Variants in CNTNAP2 observed in about 807,000 individuals in gnomAD.
CNTNAP2 encodes the protein contactin associated protein 2.
In CNTNAP2, 98 loss-of-function variants were observed where a neutral mutation model predicts 155.2. That is an observed-to-expected ratio of 0.63 (90% CI 0.54 to 0.75). The LOEUF (loss-of-function observed/expected upper bound fraction) is 0.75. CNTNAP2 is among the 30% of genes least tolerant of loss of function. CNTNAP2 has a pLI of 0.00. For synonymous variants in CNTNAP2, 651 were observed against 631.2 expected, an observed-to-expected ratio of 1.03 and a Z score of -0.47; for missense variants, 1,727 against 1,688.1, an observed-to-expected ratio of 1.02 and a Z score of -0.40.
chr7:147,194,560 A>G (rs977057104), intron 8 of CNTNAP2, among the ~76,000 whole-genome samples: 5 of 152,102 alleles, frequency 3.3e-5, no homozygotes, highest in African/African-American at 9.7e-5. Flanking sequence ...AAGTGTTCCT[A>G]TTTCTCCACA....
intron 8 of CNTNAP2, among the ~76,000 whole-genome samples, chr7:147,255,180 C>T (rs1804293543): frequency 1.3e-5 from 2 of 152,202 alleles, no homozygotes; most frequent in South Asian, 4.2e-4. Context: ...TGGTTGTTTA[C>T]CTTTTTCAAC....
At position 147,562,211 on chromosome 7, in the gene CNTNAP2, T is replaced by C. The variant is rs150218065; in HGVS notation, c.1851T>C (p.Asp617=). The change falls in exon 12 of 24, where the codon GAT becomes GAC. Residue 617 remains aspartate, a synonymous_variant. Transcript: ENST00000361727. ...CAAATTATTACTGGATAGATCCTGA[T>C]GGCAGCGGACCTCTGGGGCCTCTGA... is the stretch of plus-strand genomic sequence containing the variant. ...QTSNYYWIDP[D]GSGPLGPLKV... 8.7e-6 allele frequency: 14 copies of C among 1,613,948 alleles called. No individual in the cohort carries two copies. In the African/African-American group the frequency reaches 1.7e-4, roughly 20 times the overall value.
intron 12 of CNTNAP2, among the ~76,000 whole-genome samples, chr7:147,597,057 A>T (rs1001530493): frequency 2.6e-5 from 4 of 152,224 alleles, no homozygotes; most frequent in Non-Finnish European, 4.4e-5. Flanking sequence ...CTTGTTTAGC[A>T]TATAATCAAG....
intron 1 of CNTNAP2, among the ~76,000 whole-genome samples, chr7:146,515,011 A>G (rs1006572321): frequency 6.6e-6 from 1 of 152,026 alleles, no homozygotes; most frequent in African/African-American, 2.4e-5. Flanking sequence ...GGGTTTCCCA[A>G]ATGGAATATC....
At chr7:147,807,139 C>G (rs996143348) in intron 13 of CNTNAP2, among the ~76,000 whole-genome samples, 1 of 151,400 alleles carries the variant, frequency 6.6e-6, no homozygotes, top group Non-Finnish European at 1.5e-5. Flanking sequence ...TAATGAGACC[C>G]CTATCTCTAC....
At chr7:146,670,433 A>C (rs2642516) in intron 1 of CNTNAP2, among the ~76,000 whole-genome samples, 122,947 of 152,026 alleles carry the variant, frequency 0.81, 50,328 homozygotes, top group South Asian at 0.91. Flanking sequence ...GCTAAGGGAA[A>C]AAAACAAAAC....
chr7:146,836,045 C>T (rs901711329), intron 2 of CNTNAP2, among the ~76,000 whole-genome samples: 3 of 152,070 alleles, frequency 2.0e-5, no homozygotes, highest in Admixed American at 1.3e-4. Flanking sequence ...CAGCTAAGTA[C>T]TGTATCATAG....
At chr7:147,038,829 A>G (rs963374299) in intron 3 of CNTNAP2, among the ~76,000 whole-genome samples, 3 of 152,276 alleles carry the variant, frequency 2.0e-5, no homozygotes, top group African/African-American at 7.2e-5. Flanking sequence ...TAGTGCTTTC[A>G]TTGTTAAAAA....
intron 8 of CNTNAP2, among the ~76,000 whole-genome samples, chr7:147,170,107 A>G (rs1443274161): frequency 6.6e-6 from 1 of 152,042 alleles, no homozygotes; most frequent in Non-Finnish European, 1.5e-5. Context: ...AATTGAGTAT[A>G]GTCAGTTGAC....
At chr7:148,263,491 C>A (rs1019445830) in intron 20 of CNTNAP2, among the ~76,000 whole-genome samples, 2 of 152,058 alleles carry the variant, frequency 1.3e-5, no homozygotes, top group Non-Finnish European at 2.9e-5. Flanking sequence ...GTAATCCCAG[C>A]ACTTTGGGAG....
At chr7:146,616,583 T>C (rs1049469428) in intron 1 of CNTNAP2, among the ~76,000 whole-genome samples, 13 of 152,132 alleles carry the variant, frequency 8.5e-5, no homozygotes, top group African/African-American at 3.1e-4. Flanking sequence ...AATAAACCTG[T>C]GAATTTATAG....
chr7:147,404,903 TTC>T (rs1373667333), intron 10 of CNTNAP2, among the ~76,000 whole-genome samples: 1 of 152,156 alleles, frequency 6.6e-6, no homozygotes, highest in Non-Finnish European at 1.5e-5. Flanking sequence ...CAAAAACATA[TTC>T]TTTTTTAAAA....
chr7:146,553,825 T>A (rs1798156488), intron 1 of CNTNAP2, among the ~76,000 whole-genome samples: 1 of 152,126 alleles, frequency 6.6e-6, no homozygotes, highest in Non-Finnish European at 1.5e-5. Context: ...CTCACTTCCA[T>A]AATAGAAGTG....
intron 14 of CNTNAP2, among the ~76,000 whole-genome samples, chr7:147,965,268 G>A (rs1374503210): frequency 6.6e-6 from 1 of 152,072 alleles, no homozygotes; most frequent in African/African-American, 2.4e-5. Flanking sequence ...GCCAACCTTG[G>A]AAAGCAATGT....
At chr7:147,368,028 TCCTCC>T (rs1796270184) in intron 9 of CNTNAP2, among the ~76,000 whole-genome samples, 2 of 26,144 alleles carry the variant, frequency 7.6e-5, no homozygotes, top group South Asian at 1.8e-3. Flanking sequence ...CCCCTCCCCC[TCCTCC>T]TCTGTCCCCC....
At chr7:147,514,984 C>A (rs941931828) in intron 11 of CNTNAP2, among the ~76,000 whole-genome samples, 6 of 152,180 alleles carry the variant, frequency 3.9e-5, no homozygotes, top group African/African-American at 1.4e-4. Context: ...ATGTTAAAAA[C>A]AACAGCCTCC....
intron 17 of CNTNAP2, among the ~76,000 whole-genome samples, chr7:148,171,950 A>G (rs1185894592): frequency 4.6e-5 from 7 of 152,244 alleles, no homozygotes; most frequent in African/African-American, 1.4e-4. Flanking sequence ...CGCTTTTTCT[A>G]TAGGAAACCA....
chr7:147,120,114 C>T (rs999077238), intron 5 of CNTNAP2, among the ~76,000 whole-genome samples: 1 of 152,048 alleles, frequency 6.6e-6, no homozygotes, highest in Non-Finnish European at 1.5e-5. Context: ...ATTTTCTATG[C>T]CATTAACAAT....
At chr7:147,430,983 G>A (rs1660301906) in intron 10 of CNTNAP2, among the ~76,000 whole-genome samples, 1 of 151,354 alleles carries the variant, frequency 6.6e-6, no homozygotes, top group South Asian at 2.1e-4. Context: ...GAGAGGCGGA[G>A]CTTGCAGTAA....
Sources: allele counts gnomAD v4.1 joint callset (sites outside exome capture counted in the v4.1 genomes callset), GRCh38; gene constraint gnomAD v4.1.1; transcripts MANE v1.5; gene names NCBI Gene and HGNC (gene_info 2026-07-23, HGNC 2026-07-21).